The following INPP4B variants were observed in gnomAD, a reference collection of about 807,000 sequenced individuals.
The protein encoded by INPP4B is inositol polyphosphate 4-phosphatase type II.
A neutral mutation model predicts 122.5 loss-of-function variants in INPP4B; 55 were observed. The observed-to-expected ratio is 0.45, with a 90% CI of 0.36 to 0.56. INPP4B has a LOEUF of 0.56. INPP4B is among the 20% of genes least tolerant of loss of function. INPP4B has a pLI of 0.00. For synonymous variants in INPP4B, 403 were observed against 388.7 expected, an observed-to-expected ratio of 1.04 and a Z score of -0.43; for missense variants, 1,000 against 1,097.7, an observed-to-expected ratio of 0.91 and a Z score of 1.26.
intron 21 of INPP4B, among the ~76,000 whole-genome samples, chr4:142,119,374 T>C (rs896571637): frequency 2.0e-5 from 3 of 152,042 alleles, no homozygotes; most frequent in Non-Finnish European, 2.9e-5. Flanking sequence ...CTATTCACAA[T>C]AGCAAAGACT....
chr4:142,462,523 C>T (rs1816933881), intron 3 of INPP4B, 140 bp downstream of exon 3: 1 of 152,164 alleles, frequency 6.6e-6, no homozygotes, highest in African/African-American at 2.4e-5. Flanking sequence ...TTTGGCCAGT[C>T]ATCTATAACA....
intron 11 of INPP4B, among the ~76,000 whole-genome samples, chr4:142,248,425 C>T (rs1007411153): frequency 1.3e-5 from 2 of 150,708 alleles, no homozygotes; most frequent in African/African-American, 2.4e-5. Context: ...GCAACCTCCG[C>T]CTCCCGGGTT....
intron 1 of INPP4B, among the ~76,000 whole-genome samples, chr4:142,831,842 T>A (rs948672054): frequency 6.6e-6 from 1 of 152,190 alleles, no homozygotes; most frequent in Non-Finnish European, 1.5e-5. Flanking sequence ...TAATGAAGAA[T>A]TATCACCCAA....
chr4:142,348,317 C>T (rs553878539), intron 7 of INPP4B, among the ~76,000 whole-genome samples: 1 of 152,082 alleles, frequency 6.6e-6, no homozygotes, highest in African/African-American at 2.4e-5. Context: ...GTGACCTTTG[C>T]CATTTTGAGG....
intron 25 of INPP4B, among the ~76,000 whole-genome samples, chr4:142,070,480 T>C (rs1007483157): frequency 6.6e-6 from 1 of 152,200 alleles, no homozygotes; most frequent in African/African-American, 2.4e-5. Flanking sequence ...TTGGAAGTTC[T>C]GGCCAGGACA....
At chr4:142,765,744 A>G (rs1472080570) in intron 1 of INPP4B, 15 of 152,152 alleles carry the variant, frequency 9.9e-5, no homozygotes, top group Non-Finnish European at 2.9e-5. Context: ...TTATATAAAC[A>G]TGAACTAAAA....
At chr4:142,540,052 T>C (rs946970398) in intron 2 of INPP4B, among the ~76,000 whole-genome samples, 5 of 152,094 alleles carry the variant, frequency 3.3e-5, no homozygotes, top group South Asian at 2.1e-4. Context: ...AGAAATACTT[T>C]TTTACACAGT....
intron 1 of INPP4B, among the ~76,000 whole-genome samples, chr4:142,761,602 C>G (rs1771354768): frequency 6.6e-6 from 1 of 152,028 alleles, no homozygotes. Context: ...ATTTTTAAAG[C>G]CCAACCTATA....
intron 11 of INPP4B, among the ~76,000 whole-genome samples, chr4:142,257,885 G>A (rs1421139238): frequency 6.6e-6 from 1 of 152,106 alleles, no homozygotes; most frequent in Non-Finnish European, 1.5e-5. Context: ...AAAAGAGCCT[G>A]CATTGCCAAG....
At chr4:142,457,483 A>G (rs1017302849) in intron 3 of INPP4B, among the ~76,000 whole-genome samples, 21 of 152,194 alleles carry the variant, frequency 1.4e-4, no homozygotes, top group African/African-American at 4.8e-4. Flanking sequence ...ATTTAAATAG[A>G]CACTACACCA....
chr4:142,760,505 A>G (rs1020696421), intron 1 of INPP4B, among the ~76,000 whole-genome samples: 1 of 152,160 alleles, frequency 6.6e-6, no homozygotes, highest in Non-Finnish European at 1.5e-5. Flanking sequence ...TGCAAAACCA[A>G]TTCCAGAGAT....
At chr4:142,389,893 G>T (rs1459482875) in intron 7 of INPP4B, among the ~76,000 whole-genome samples, 1 of 152,146 alleles carries the variant, frequency 6.6e-6, no homozygotes, top group East Asian at 1.9e-4. Context: ...AGGATGAAAG[G>T]ATTGTTTTAA....
intron 2 of INPP4B, among the ~76,000 whole-genome samples, chr4:142,710,982 G>C (rs1207588482): frequency 6.6e-5 from 10 of 152,190 alleles, no homozygotes; most frequent in Non-Finnish European, 7.3e-5. Context: ...CTGCAGAAGA[G>C]AGCATGAGCC....
intron 1 of INPP4B, among the ~76,000 whole-genome samples, chr4:142,772,006 A>G (rs894004860): frequency 6.6e-6 from 1 of 152,166 alleles, no homozygotes; most frequent in Non-Finnish European, 1.5e-5. Context: ...CTTGAGATAA[A>G]GAAGAGAAAA....
At chr4:142,376,767 ACT>A (rs1034243046) in intron 7 of INPP4B, among the ~76,000 whole-genome samples, 29 of 151,850 alleles carry the variant, frequency 1.9e-4, no homozygotes, top group African/African-American at 6.8e-4. Context: ...ATGGTGGAAA[ACT>A]CTGAATCTGG....
At position 142,190,717 on chromosome 4, in the gene INPP4B, AGTGTGTGT is replaced by A. The variant is rs374099702; in HGVS notation, c.1181+2362_1181+2369del. On this transcript the variant is annotated intron_variant, in intron 15 of 25. Coordinates refer to ENST00000262992, the MANE Select transcript of INPP4B (RefSeq NM_001101669.3). ...TTAAAATTAACCCAAGATCTGTAAG[AGTGTGTGT>A]GTGTGTGTGTGTGTGTGTGTGCGCG... Among the ~76,000 whole-genome samples the A allele has an allele frequency of 3.1e-4, 44 of 144,000 alleles. 1 individual carries two copies. The highest frequency in any genetic ancestry group is 7.4e-3 in the Middle Eastern group (2 of 272). The allele number at this position is 144,000 out of a possible 152,430, so 94.5% of individuals were successfully genotyped here.
At chr4:142,185,415 T>C (rs1340362119) in intron 15 of INPP4B, among the ~76,000 whole-genome samples, 1 of 151,610 alleles carries the variant, frequency 6.6e-6, no homozygotes, top group African/African-American at 2.4e-5. Context: ...TATATATATA[T>C]ATATCTCATC....
chr4:142,745,665 A>T (rs1768621576), intron 1 of INPP4B, among the ~76,000 whole-genome samples: 1 of 151,880 alleles, frequency 6.6e-6, no homozygotes, highest in Non-Finnish European at 1.5e-5. Context: ...GTCCTGTATA[A>T]TAAGAGTGCC....
At chr4:142,585,190 C>T (rs114446420) in intron 2 of INPP4B, among the ~76,000 whole-genome samples, 2,440 of 152,210 alleles carry the variant, frequency 0.016, 32 homozygotes, top group Middle Eastern at 0.051. Flanking sequence ...ACTGTCTTAG[C>T]CCTAGACTCC....
Sources: allele counts gnomAD v4.1 joint callset (sites outside exome capture counted in the v4.1 genomes callset), GRCh38; gene constraint gnomAD v4.1.1; transcripts MANE v1.5; gene names NCBI Gene and HGNC (gene_info 2026-07-23, HGNC 2026-07-21).